Variants in CCDC102B observed in about 807,000 individuals in gnomAD.
CCDC102B encodes the protein coiled-coil domain-containing protein 102B.
A neutral mutation model predicts 57.4 loss-of-function variants in CCDC102B; 75 were observed. The observed-to-expected ratio is 1.31, with a 90% CI of 1.08 to 1.58. The LOEUF is 1.58. Among genes scored for constraint, CCDC102B ranks in the 40% most tolerant of loss-of-function variants. The probability of loss-of-function intolerance (pLI) is 0.00; values close to 1 mark genes in which losing one functional copy is unlikely to be tolerated. For synonymous variants in CCDC102B, 206 were observed against 201.9 expected (o/e 1.02, Z -0.17); for missense variants, 636 against 582.6 (o/e 1.09, Z -0.94).
chr18:68,717,103 A>G (rs1432760407), intron 2 of CCDC102B, among the ~76,000 whole-genome samples: 1 of 150,390 alleles, frequency 6.6e-6, no homozygotes. Flanking sequence ...AATTAGCCAG[A>G]TGTGGTGGCA....
intron 2 of CCDC102B, among the ~76,000 whole-genome samples, chr18:68,741,040 C>T (rs2033357184): frequency 6.6e-6 from 1 of 152,142 alleles, no homozygotes; most frequent in Non-Finnish European, 1.5e-5. Flanking sequence ...TGGAGCAGCT[C>T]TGTTAGGGCC....
At chr18:68,910,846 C>T (rs918725257) in intron 6 of CCDC102B, among the ~76,000 whole-genome samples, 5 of 151,630 alleles carry the variant, frequency 3.3e-5, no homozygotes, top group African/African-American at 1.2e-4. Flanking sequence ...GCCATAAGAA[C>T]CAATGGCTTA....
At chr18:68,833,155 G>A (rs555532341) in intron 1 of CCDC102B, among the ~76,000 whole-genome samples, 3 of 152,256 alleles carry the variant, frequency 2.0e-5, no homozygotes, top group Admixed American at 6.5e-5. Context: ...AAAGGTGGTA[G>A]CTCAGGATTC....
intron 1 of CCDC102B, among the ~76,000 whole-genome samples, chr18:68,817,494 A>G (rs1012228363): frequency 4.6e-5 from 7 of 152,086 alleles, no homozygotes; most frequent in African/African-American, 1.4e-4. Flanking sequence ...CTGTGTCTCA[A>G]CTCTTTGCAA....
At chr18:68,866,688 G>A in intron 4 of CCDC102B, 1 of 467,114 alleles carries the variant, frequency 2.1e-6, no homozygotes, top group African/African-American at 2.0e-5. Flanking sequence ...CCATAGCACT[G>A]TCTACAGTTT....
intron 1 of CCDC102B, among the ~76,000 whole-genome samples, chr18:68,808,468 C>CGTTTTTTTTTTTTTTTTTTTTTT (rs2036113998): frequency 1.1e-5 from 1 of 91,786 alleles, no homozygotes; most frequent in Non-Finnish European, 2.0e-5. Flanking sequence ...GCTTTTACTA[C>CGTTTTTTTTTTTTTTTTTTTTTT]TTTTTTTTTT....
intron 4 of CCDC102B, among the ~76,000 whole-genome samples, chr18:68,847,486 C>T (rs1488712881): frequency 6.6e-6 from 1 of 151,814 alleles, no homozygotes; most frequent in Non-Finnish European, 1.5e-5. Flanking sequence ...TAATCTTCCT[C>T]TTAGTTTCAT....
At chr18:68,940,911 G>A (rs1214267190) in intron 6 of CCDC102B, among the ~76,000 whole-genome samples, 3 of 151,758 alleles carry the variant, frequency 2.0e-5, no homozygotes, top group African/African-American at 7.2e-5. Flanking sequence ...TAACCTCAGA[G>A]TACAATGTAA....
chr18:69,008,724 T>C (rs1435961826), intron 6 of CCDC102B, among the ~76,000 whole-genome samples: 1 of 152,186 alleles, frequency 6.6e-6, no homozygotes, highest in Non-Finnish European at 1.5e-5. Context: ...CCACCTCTTC[T>C]GGACTTCGGA....
intron 1 of CCDC102B, chr18:68,823,425 T>C (rs1024357948): frequency 1.3e-5 from 2 of 152,230 alleles, no homozygotes; most frequent in Non-Finnish European, 2.9e-5. Flanking sequence ...AGGTAACTTA[T>C]GTACCACATT....
At chr18:68,965,327 TC>T in intron 6 of CCDC102B, among the ~76,000 whole-genome samples, 1 of 151,824 alleles carries the variant, frequency 6.6e-6, no homozygotes, top group South Asian at 2.1e-4. Flanking sequence ...TCCCATTTGT[TC>T]CCCCTATTTT....
chr18:68,911,625 G>A (rs533030755), intron 6 of CCDC102B, among the ~76,000 whole-genome samples: 20 of 149,470 alleles, frequency 1.3e-4, no homozygotes, highest in Middle Eastern at 3.5e-3. Context: ...GGTGGCGGGC[G>A]CCTGTAGTCC....
chr18:68,914,418 C>G (rs1027818365), intron 6 of CCDC102B, among the ~76,000 whole-genome samples: 1 of 152,140 alleles, frequency 6.6e-6, no homozygotes, highest in Non-Finnish European at 1.5e-5. Context: ...CTCAGGCCAC[C>G]TGTGACCCTG....
chr18:69,028,026 A>G (rs1333249093), intron 7 of CCDC102B, among the ~76,000 whole-genome samples: 1 of 152,176 alleles, frequency 6.6e-6, no homozygotes, highest in Non-Finnish European at 1.5e-5. Context: ...CACTTAGTAA[A>G]CATTCAGATA....
chr18:68,718,276 A>G (rs1302950036), intron 2 of CCDC102B: 1 of 152,244 alleles, frequency 6.6e-6, no homozygotes, highest in African/African-American at 2.4e-5. Context: ...GTCTAATAGT[A>G]TAATAGAGTA....
rs1568292755 is a variant in CCDC102B at position 68,857,276 on chromosome 18, T to TATTTTATATATA, written c.936+10856_936+10857insTTTTATATATAA. Reference sequence around the variant, plus strand: ...TTATTTAAATATATAAATATATATATAATATATATTTATATATTATATATA... The same window carrying TATTTTATATATA: ...TTATTTAAATATATAAATATATATATATTTTATATATAAATATATATTTATATATTATATATA... On this transcript the variant is annotated intron_variant, in intron 4 of 7. Coordinates refer to ENST00000360242, the MANE Select transcript of CCDC102B (RefSeq NM_024781.3). 2.0e-3 allele frequency among the ~76,000 whole-genome samples: 57 copies of TATTTTATATATA among 27,900 alleles called. 1 individual carries two copies. Among genetic ancestry groups the TATTTTATATATA allele is most frequent in the Admixed American group, 5.1e-3 (6 of 1,180 alleles). The allele number at this position is 27,900 out of a possible 152,430, so 18.3% of individuals were successfully genotyped here. A position where few individuals can be genotyped will look rare whatever the true frequency, so the allele number is the denominator to read the frequency against.
chr18:69,035,582 G>T (rs1199622977), intron 7 of CCDC102B, among the ~76,000 whole-genome samples: 1 of 152,036 alleles, frequency 6.6e-6, no homozygotes, highest in Non-Finnish European at 1.5e-5. Flanking sequence ...TGTAACAAAT[G>T]CTATATACAT....
At chr18:68,742,591 G>A (rs1026782161) in intron 2 of CCDC102B, among the ~76,000 whole-genome samples, 7 of 152,296 alleles carry the variant, frequency 4.6e-5, no homozygotes, top group African/African-American at 9.6e-5. Context: ...TAATTTATCC[G>A]TACTGTAAAT....
chr18:68,930,604 T>C (rs1037553717), intron 6 of CCDC102B, among the ~76,000 whole-genome samples: 1 of 151,840 alleles, frequency 6.6e-6, no homozygotes, highest in Non-Finnish European at 1.5e-5. Context: ...GGCCTTCTGC[T>C]CTATCTCTGT....
Sources: allele counts gnomAD v4.1 joint callset (sites outside exome capture counted in the v4.1 genomes callset), GRCh38; gene constraint gnomAD v4.1.1; transcripts MANE v1.5; gene names NCBI Gene and HGNC (gene_info 2026-07-23, HGNC 2026-07-21).